Variants in DTL observed in about 807,000 individuals in gnomAD.
DTL encodes the protein denticleless E3 ubiquitin protein ligase adapter.
DTL carries 46 observed loss-of-function variants against 87.0 expected under a neutral mutation model. The ratio of observed to expected loss-of-function variants is 0.53; its 90% confidence interval spans 0.42 to 0.68. The LOEUF is 0.68. Ranked by LOEUF, DTL falls within the 30% of genes least tolerant of loss-of-function variation. The pLI, the probability that DTL is intolerant of heterozygous loss-of-function variation, is 0.00. For synonymous variants in DTL, 308 were observed against 311.2 expected (o/e 0.99, Z 0.11); for missense variants, 737 against 869.4 (o/e 0.85, Z 1.91).
intron 8 of DTL, among the ~76,000 whole-genome samples, chr1:212,067,642 T>C (rs775402523): frequency 1.3e-5 from 2 of 152,176 alleles, no homozygotes; most frequent in African/African-American, 2.4e-5. Flanking sequence ...AGGTTATTAG[T>C]TCTGCTTGTG....
At position 212,047,398 on chromosome 1, in the gene DTL, C is replaced by T. The variant is rs751760591; in HGVS notation, c.441C>T (p.Ala147=). 6.2e-7 allele frequency: 1 copy of T among 1,614,198 alleles called. No homozygotes were observed. Among genetic ancestry groups the T allele is most frequent in the Non-Finnish European group, 8.5e-7 (1 of 1,180,034 alleles). Residue 147 remains alanine, a synonymous_variant, in exon 5 of 15, where the codon GCC becomes GCT. Transcript: ENST00000366991. ...ATCAATGCAGCCTCAAGTCAGTTGC[C>T]TTTTCTAAGTTTGAGAAAGGTAGGT... ...KGHQCSLKSV[A]FSKFEKAVFC... is the part of the protein sequence containing the mutation.
At chr1:212,073,989 C>CT (rs1159769324) in intron 11 of DTL, among the ~76,000 whole-genome samples, 3 of 151,894 alleles carry the variant, frequency 2.0e-5, no homozygotes, top group Non-Finnish European at 4.4e-5. Context: ...TGGCTCCCAA[C>CT]TTAACTAGAG....
intron 1 of DTL, among the ~76,000 whole-genome samples, chr1:212,042,553 A>G (rs1429622890): frequency 7.9e-5 from 12 of 152,088 alleles, no homozygotes; most frequent in Admixed American, 6.6e-4. Flanking sequence ...TGGCTATAGT[A>G]GCTGCATTGA....
rs147737312 is a variant in DTL, at chr1:212,036,951, T to G, written c.52+1009T>G. On this transcript the variant is annotated intron_variant, in intron 1 of 14. Coordinates refer to ENST00000366991, the MANE Select transcript of DTL (RefSeq NM_016448.4). ...AGAGACTGAGAAGTAGTCCCTCAAC[T>G]TCCTGCTAGCAGTCTGAAACTTTAT... 3.9e-5 allele frequency among the ~76,000 whole-genome samples: 6 copies of G among 152,358 alleles called. No homozygotes were observed. In the East Asian group the frequency reaches 1.2e-3, roughly 29 times the overall value.
At chr1:212,092,730 A>G (rs559617465) in intron 13 of DTL, among the ~76,000 whole-genome samples, 2 of 152,338 alleles carry the variant, frequency 1.3e-5, no homozygotes, top group Middle Eastern at 3.4e-3. Context: ...ATAAACATGC[A>G]TGGGCAAGTG....
intron 14 of DTL, among the ~76,000 whole-genome samples, chr1:212,102,263 T>G (rs1195354357): frequency 6.6e-6 from 1 of 152,192 alleles, no homozygotes; most frequent in African/African-American, 2.4e-5. Context: ...TGACTGCTCT[T>G]TATCCCTAGC....
rs189642816 is a variant in DTL, at chr1:212,047,481, G to A, written c.460+64G>A. The A allele has an allele frequency of 1.2e-4, 196 of 1,593,326 alleles. No homozygotes were observed. The African/African-American group carries it at 2.4e-3, about 19-fold the overall frequency. On this transcript the variant is annotated intron_variant, in intron 5 of 14. Coordinates refer to ENST00000366991, the MANE Select transcript of DTL (RefSeq NM_016448.4). ...CTTTGCAGTTGGGAGATAAGAACCTGTAATTGTTTCTACCCTTTCCCCTGT... is the reference window on the plus strand; with the variant it reads ...CTTTGCAGTTGGGAGATAAGAACCTATAATTGTTTCTACCCTTTCCCCTGT...
intron 5 of DTL, among the ~76,000 whole-genome samples, chr1:212,054,792 C>CA (rs756328781): frequency 0.034 from 2,345 of 68,176 alleles, 110 homozygotes; most frequent in African/African-American, 0.082. Flanking sequence ...GACACCACCT[C>CA]AAAAAAAAAA....
At chr1:212,088,561 T>G (rs1655194039) in intron 13 of DTL, among the ~76,000 whole-genome samples, 1 of 152,194 alleles carries the variant, frequency 6.6e-6, no homozygotes, top group Non-Finnish European at 1.5e-5. Context: ...GGAAAGAAGT[T>G]GTGAATTCTT....
chr1:212,097,396 G>A (rs1312134345), intron 13 of DTL, among the ~76,000 whole-genome samples: 2 of 152,034 alleles, frequency 1.3e-5, no homozygotes, highest in Non-Finnish European at 2.9e-5. Context: ...TCTAGATCTC[G>A]AGCAAGGCCA....
intron 6 of DTL, among the ~76,000 whole-genome samples, chr1:212,063,974 C>A (rs1338325235): frequency 6.7e-6 from 1 of 149,930 alleles, no homozygotes; most frequent in Non-Finnish European, 1.5e-5. Context: ...CTCGCTGCAA[C>A]CTCCGCCTCC....
chr1:212,063,867 ATTC>A (rs1243279464), intron 6 of DTL, among the ~76,000 whole-genome samples: 1 of 149,642 alleles, frequency 6.7e-6, no homozygotes, highest in African/African-American at 2.5e-5. Context: ...GAACATTACA[ATTC>A]TTCTCTTCTG....
chr1:212,042,414 G>A (rs936526324), intron 1 of DTL, among the ~76,000 whole-genome samples: 1 of 152,148 alleles, frequency 6.6e-6, no homozygotes, highest in Non-Finnish European at 1.5e-5. Flanking sequence ...CTAGGGGTAG[G>A]TACATAACAC....
chr1:212,093,285 C>T (rs1655340481), intron 13 of DTL, among the ~76,000 whole-genome samples: 1 of 152,146 alleles, frequency 6.6e-6, no homozygotes, highest in Non-Finnish European at 1.5e-5. Flanking sequence ...GCTCCTGAAG[C>T]CCCAGTGGGC....
At chr1:212,102,740 C>T (rs1218356347) in intron 14 of DTL, 102 bp from the exon 15 acceptor site, 2 of 762,456 alleles carry the variant, frequency 2.6e-6, no homozygotes, top group Admixed American at 4.7e-5. Flanking sequence ...GCAGGCTAAA[C>T]AATGAAATTT....
In DTL at chr1:212,074,831, T is replaced by C. The variant is rs12024010; in HGVS notation, c.1035+2618T>C. ...AAACAAAATAGAAGGGAGTTTTGTA[T>C]CTTAAGACAGAAGAGAATGGCCTCT... On this transcript the variant is annotated intron_variant, in intron 11 of 14. Transcript: ENST00000366991. 2.7e-4 allele frequency among the ~76,000 whole-genome samples: 41 copies of C among 152,302 alleles called. No individual in the cohort carries two copies. In the East Asian group the frequency reaches 7.5e-3, roughly 28 times the overall value.
intron 5 of DTL, among the ~76,000 whole-genome samples, chr1:212,057,360 G>GA (rs35722026): frequency 4.9e-4 from 70 of 143,746 alleles, no homozygotes; most frequent in Non-Finnish European, 6.2e-4. Context: ...CATGCTTAAA[G>GA]AAAAAAAAAA....
chr1:212,086,050 T>C (rs1655120336), intron 13 of DTL, among the ~76,000 whole-genome samples: 1 of 152,164 alleles, frequency 6.6e-6, no homozygotes, highest in Admixed American at 6.5e-5. Context: ...GGTTTTGAAA[T>C]CCTACTTCTG....
intron 3 of DTL, among the ~76,000 whole-genome samples, chr1:212,045,503 G>A (rs1667781949): frequency 1.3e-5 from 2 of 152,170 alleles, no homozygotes. Flanking sequence ...CTAACCTTAA[G>A]AAGCTGATAA....
Sources: gnomAD v4.1 joint callset for allele counts (sites outside exome capture counted in the v4.1 genomes callset) on GRCh38, gnomAD v4.1.1 for gene constraint, MANE v1.5 for transcripts, NCBI Gene and HGNC (gene_info 2026-07-23, HGNC 2026-07-21) for gene names.